Variants in POLR1A observed in about 807,000 individuals in gnomAD.
POLR1A encodes RNA polymerase I subunit A, also known as DNA-directed RNA polymerase I subunit RPA1.
POLR1A carries 84 observed loss-of-function variants against 205.3 expected under a neutral mutation model. The ratio of observed to expected loss-of-function variants is 0.41; its 90% CI spans 0.34 to 0.49. The LOEUF is 0.49. POLR1A is among the 20% of genes least tolerant of loss of function. POLR1A has a pLI of 0.22. For missense variants in POLR1A, 1,645 were observed against 2,204.5 expected, an observed-to-expected ratio of 0.75 and a Z score of 5.08; for synonymous variants, 799 against 863.7, an observed-to-expected ratio of 0.93 and a Z score of 1.31.
chr2:86,099,913 C>A, intron 2 of POLR1A, 55 bp downstream of exon 2: 1 of 1,416,624 alleles, frequency 7.1e-7, no homozygotes, highest in Non-Finnish European at 1.0e-6. Context: ...AGAGAGGCAG[C>A]ACTCACAAAT....
chr2:86,105,804 C>G lies in POLR1A; in HGVS notation c.-28G>C, dbSNP rs202177722. On this transcript the variant is annotated 5_prime_UTR_variant, in exon 1 of 34. Coordinates refer to ENST00000263857, the MANE Select transcript of POLR1A (RefSeq NM_015425.6). ...TCCAGGTCCGTTTTGAATTCCGACACCCCAAGAGACGTTCCACTCACCACC... is the reference window on the plus strand; with the variant it reads ...TCCAGGTCCGTTTTGAATTCCGACAGCCCAAGAGACGTTCCACTCACCACC... 1 of 1,577,284 alleles carries G rather than the reference C, an allele frequency of 6.3e-7. No individual in the cohort carries two copies. The highest frequency in any genetic ancestry group is 2.2e-5 in the East Asian group (1 of 44,642).
At position 86,044,192 on chromosome 2, in the gene POLR1A, T is replaced by C. The variant is rs1431048952; in HGVS notation, c.3082A>G (p.Lys1028Glu). Residue 1028 changes from lysine (K) to glutamate (E), a missense_variant, in exon 22 of 34, where the codon AAG becomes GAG. By Grantham distance (56) the Lys-to-Glu change is moderately conservative. Coordinates refer to ENST00000263857, the MANE Select transcript of POLR1A (RefSeq NM_015425.6). ...TGCTTGGGCTGCAGGAACTGTGTCT[T>C]GGGGATGTCCAGGCCATCCTCCCCA... ...LYGEDGLDIP[K>E]TQFLQPKQFP... 6.2e-7 allele frequency: 1 copy of C among 1,614,146 alleles called. No homozygotes were observed. Among genetic ancestry groups the C allele is most frequent in the African/African-American group, 1.3e-5 (1 of 75,044 alleles).
chr2:86,028,551 C>T lies in POLR1A; in HGVS notation c.4897+43G>A. The T allele has an allele frequency of 1.4e-6, 2 of 1,437,456 alleles. No individual in the cohort carries two copies. Among genetic ancestry groups the T allele is most frequent in the African/African-American group, 1.4e-5 (1 of 71,560 alleles). The allele number at this position is 1,437,456 out of a possible 1,614,324, so 89.0% of individuals were successfully genotyped here. A position where few individuals can be genotyped will look rare whatever the true frequency, so the allele number is the denominator to read the frequency against. On this transcript the variant is annotated intron_variant, in intron 32 of 33. Coordinates refer to ENST00000263857, the MANE Select transcript of POLR1A (RefSeq NM_015425.6). The surrounding 1 kb of genome is among the most constrained non-coding windows in gnomAD (Gnocchi z 4.5). ...CCTGCCGAGCCTTCTGGTGTCCTGG[C>T]TGGTGCCCAGACCTCGGGGTGTTAT...
intron 6 of POLR1A, among the ~76,000 whole-genome samples, chr2:86,086,388 G>A (rs1440037839): frequency 6.6e-6 from 1 of 152,180 alleles, no homozygotes; most frequent in African/African-American, 2.4e-5. Flanking sequence ...TCCCAGCCTA[G>A]CCCTCACTTT....
chr2:86,025,078 A>G lies in POLR1A; in HGVS notation c.*2345T>C, dbSNP rs1324431088. ...CTTGAACTCGGGAGATGGAGGTTGCAGTGGAGCCGAGATTGCGCCATTGCA... is the reference window on the plus strand; with the variant it reads ...CTTGAACTCGGGAGATGGAGGTTGCGGTGGAGCCGAGATTGCGCCATTGCA... On this transcript the variant is annotated 3_prime_UTR_variant, in exon 34 of 34. Coordinates refer to ENST00000263857, the MANE Select transcript of POLR1A (RefSeq NM_015425.6). 2.0e-5 allele frequency: 3 copies of G among 152,236 alleles called. No homozygotes were observed. Among genetic ancestry groups the G allele is most frequent in the African/African-American group, 7.2e-5 (3 of 41,462 alleles). 9.4% of individuals were successfully genotyped at this position (152,236 alleles called of 1,614,324 possible).
chr2:86,099,476 A>G (rs1673773344), intron 2 of POLR1A, among the ~76,000 whole-genome samples: 1 of 152,058 alleles, frequency 6.6e-6, no homozygotes. Flanking sequence ...TAGCTGAAAT[A>G]AAAAGCTGAA....
At chr2:86,092,167 T>G (rs1448158424) in intron 3 of POLR1A, among the ~76,000 whole-genome samples, 1 of 152,186 alleles carries the variant, frequency 6.6e-6, no homozygotes, top group African/African-American at 2.4e-5. Context: ...GTCAGTTGTG[T>G]TATTAGGCAA....
intron 9 of POLR1A, among the ~76,000 whole-genome samples, chr2:86,079,344 T>C (rs1428941628): frequency 6.6e-6 from 1 of 152,118 alleles, no homozygotes; most frequent in Non-Finnish European, 1.5e-5. Context: ...AGACCAGTGA[T>C]TGTGAAATGA....
rs1672617586 is a variant in POLR1A at position 86,041,921 on chromosome 2, C to A, written c.3540G>T (p.Lys1180Asn). The change falls in exon 24 of 34, where the codon AAG (lysine) becomes AAT (asparagine). Residue 1180 changes from lysine (K) to asparagine (N), a missense_variant. Coordinates refer to ENST00000263857, the MANE Select transcript of POLR1A (RefSeq NM_015425.6). ...YSQEWAAQTEKSYEKSELSLD... is the reference protein window; with the variant it reads ...YSQEWAAQTENSYEKSELSLD... Reference sequence around the variant, plus strand: ...GAGAAAGCTCTGATTTCTCATAACTCTTCTCTGTTTGAGCTGCCCACTCTT... The same window carrying A: ...GAGAAAGCTCTGATTTCTCATAACTATTCTCTGTTTGAGCTGCCCACTCTT... 3 of 1,614,040 alleles carry A rather than the reference C, an allele frequency of 1.9e-6. No homozygotes were observed. In the South Asian group the frequency reaches 3.3e-5, roughly 18 times the overall value.
Position 86,025,820 on chromosome 2 carries a change from C to A in POLR1A, c.*1603G>T, listed in dbSNP as rs951241969. The A allele has an allele frequency of 6.6e-6, 1 of 152,276 alleles. No individual in the cohort carries two copies. The highest frequency in any genetic ancestry group is 1.5e-5 in the Non-Finnish European group (1 of 68,064). The allele number at this position is 152,276 out of a possible 1,614,324, so 9.4% of individuals were successfully genotyped here. A position where few individuals can be genotyped will look rare whatever the true frequency, so the allele number is the denominator to read the frequency against. On this transcript the variant is annotated 3_prime_UTR_variant, in exon 34 of 34. Transcript: ENST00000263857. ...CTCAAAGAATGAATGTCTTACCCTG[C>A]AGGCTGGGCCCTTCCTGCCTGCCTC...
intron 27 of POLR1A, 44 bp from the exon 28 acceptor site, chr2:86,033,831 T>C (rs1171238568): frequency 2.5e-6 from 4 of 1,607,328 alleles, no homozygotes; most frequent in Admixed American, 1.7e-5. Context: ...AGTACCAGCA[T>C]GTCCAGCCCT....
intron 12 of POLR1A, among the ~76,000 whole-genome samples, chr2:86,072,445 C>CT (rs1673196540): frequency 6.6e-6 from 1 of 152,238 alleles, no homozygotes; most frequent in South Asian, 2.1e-4. Flanking sequence ...TTGAGACATC[C>CT]TCCAGCGTAA....
intron 28 of POLR1A, among the ~76,000 whole-genome samples, chr2:86,032,923 G>T (rs777187389): frequency 6.6e-6 from 1 of 152,200 alleles, no homozygotes; most frequent in Non-Finnish European, 1.5e-5. Flanking sequence ...CACGGAGCAG[G>T]AGAGACCTAG....
rs1015648009 is a variant in POLR1A at position 86,038,090 on chromosome 2, G to A, written c.4034+610C>T. Among the ~76,000 whole-genome samples, 84 of 152,172 alleles carry A rather than the reference G, an allele frequency of 5.5e-4. 1 individual carries two copies. The highest frequency in any genetic ancestry group is 2.1e-4 in the Non-Finnish European group (14 of 68,026). On this transcript the variant is annotated intron_variant, in intron 27 of 33. Transcript: ENST00000263857. ...CAAAAAGCCCATCCTCCTGCTCCCC[G>A]GAACTCAGCATTGTGGCCTCTGCTT...
In POLR1A at chr2:86,098,789, A is replaced by G. The variant is rs183414070; in HGVS notation, c.283-29T>C. 1.9e-5 allele frequency: 30 copies of G among 1,612,068 alleles called. 1 individual carries two copies. In the Admixed American group the frequency reaches 5.0e-4, roughly 27 times the overall value. On this transcript the variant is annotated intron_variant, in intron 2 of 33. Coordinates refer to ENST00000263857, the MANE Select transcript of POLR1A (RefSeq NM_015425.6). Reference sequence around the variant, plus strand: ...AAGAGAGGGAATAAAAACAAACAGGATATTAGAAAGAGACACAGTAGCCAT... The same window carrying G: ...AAGAGAGGGAATAAAAACAAACAGGGTATTAGAAAGAGACACAGTAGCCAT...
At chr2:86,104,848 A>G (rs1173751440) in intron 1 of POLR1A, among the ~76,000 whole-genome samples, 4 of 152,260 alleles carry the variant, frequency 2.6e-5, no homozygotes, top group African/African-American at 4.8e-5. Flanking sequence ...AGCTGAACAA[A>G]TGGGTCTGAA....
At position 86,080,881 on chromosome 2, in the gene POLR1A, G is replaced by A; in HGVS notation, c.1021C>T (p.Leu341Phe). Residue 341 changes from leucine (L) to phenylalanine (F), a missense_variant, in exon 9 of 34, where the codon CTT (leucine) becomes TTT (phenylalanine). Physicochemically the swap from Leu to Phe is conservative, Grantham distance 22. Transcript: ENST00000263857. ...TGTTCTTGGGCCATCAATGCCAGAA[G>A]TTTTCGAATCAGAACTACATCCTTC... ...VMKDVVLIRK[L>F]LALMAQEQKL... 2 of 1,614,180 alleles carry A rather than the reference G, an allele frequency of 1.2e-6. No homozygotes were observed. Among genetic ancestry groups the A allele is most frequent in the Non-Finnish European group, 1.7e-6 (2 of 1,180,010 alleles).
intron 1 of POLR1A, among the ~76,000 whole-genome samples, chr2:86,103,353 G>A (rs1054172900): frequency 1.3e-5 from 2 of 152,062 alleles, no homozygotes; most frequent in African/African-American, 2.4e-5. Context: ...AGGAGGTCAG[G>A]GTAGCCAGAA....
chr2:86,068,396 G>GGC (rs1673122697), intron 13 of POLR1A, among the ~76,000 whole-genome samples: 1 of 112,672 alleles, frequency 8.9e-6, no homozygotes, highest in Non-Finnish European at 1.9e-5. Context: ...CGGGGGGGGG[G>GGC]GGCGGGTGTC....
Sources: allele counts gnomAD v4.1 joint callset (sites outside exome capture counted in the v4.1 genomes callset), GRCh38; gene constraint gnomAD v4.1.1; non-coding constraint Gnocchi (gnomAD v3.1); transcripts MANE v1.5; gene names NCBI Gene and HGNC (gene_info 2026-07-23, HGNC 2026-07-21).